The following ANKHD1 variants were observed in gnomAD, a reference collection of about 807,000 sequenced individuals.
ANKHD1 encodes ankyrin repeat and KH domain-containing protein 1.
In ANKHD1, 31 loss-of-function variants were observed where a neutral mutation model predicts 230.5. The observed-to-expected ratio is 0.13, with a 90% CI of 0.10 to 0.18. The LOEUF (loss-of-function observed/expected upper bound fraction) is 0.18, where lower values mean the gene tolerates loss of function less well. Ranked by LOEUF, ANKHD1 falls within the 10% of genes least tolerant of loss-of-function variation. The probability of loss-of-function intolerance (pLI) is 1.00; values close to 1 mark genes in which losing one functional copy is unlikely to be tolerated. For missense variants in ANKHD1, 2,256 were observed against 3,071.3 expected, an observed-to-expected ratio of 0.73 and a Z score of 6.27; for synonymous variants, 1,074 against 1,117.6, an observed-to-expected ratio of 0.96 and a Z score of 0.78.
intron 1 of ANKHD1, among the ~76,000 whole-genome samples, chr5:140,435,523 A>C (rs1056004955): frequency 1.3e-5 from 2 of 151,622 alleles, no homozygotes; most frequent in Non-Finnish European, 2.9e-5. Flanking sequence ...GATTACAGGC[A>C]CCACCTCACC....
intron 4 of ANKHD1, among the ~76,000 whole-genome samples, 172 bp from the exon 5 acceptor site, chr5:140,440,823 G>A (rs1230341713): frequency 6.6e-6 from 1 of 152,122 alleles, no homozygotes; most frequent in African/African-American, 2.4e-5. Context: ...TGTAAAATAT[G>A]TAACCTGGCA....
At chr5:140,428,941 T>G (rs1240770788) in intron 1 of ANKHD1, among the ~76,000 whole-genome samples, 1 of 148,976 alleles carries the variant, frequency 6.7e-6, no homozygotes, top group Admixed American at 6.7e-5. Flanking sequence ...CACCATGAGG[T>G]CTGGCAAATT....
chr5:140,529,851 A>C, intron 29 of ANKHD1, 55 bp downstream of exon 29: 8 of 1,568,532 alleles, frequency 5.1e-6, no homozygotes, highest in Non-Finnish European at 6.9e-6. Context: ...GCCTAATCTC[A>C]CCTTAAGTGG....
At chr5:140,491,539 C>G (rs1213648510) in intron 14 of ANKHD1, among the ~76,000 whole-genome samples, 1 of 152,036 alleles carries the variant, frequency 6.6e-6, no homozygotes, top group Non-Finnish European at 1.5e-5. Context: ...TTTGTTTACT[C>G]AGTACTGTTT....
Position 140,528,944 on chromosome 5 carries a change from C to T in ANKHD1, c.5998C>T (p.Pro2000Ser), listed in dbSNP as rs1170853741. Residue 2000 changes from proline (P) to serine (S), a missense_variant, in exon 29 of 34, where the codon CCC (proline) becomes TCC (serine). Pro to Ser is a moderately conservative substitution (Grantham distance 74). Transcript: ENST00000360839. Reference sequence around the variant, plus strand: ...TGCACCTATCACTAGCGGGCAAGCTCCCACCACATTTCTACCTGCAAGTAC... The same window carrying T: ...TGCACCTATCACTAGCGGGCAAGCTTCCACCACATTTCTACCTGCAAGTAC... ...SSAPITSGQAPTTFLPASTSQ... is the reference protein window; with the variant it reads ...SSAPITSGQASTTFLPASTSQ... The T allele has an allele frequency of 1.2e-6, 2 of 1,614,188 alleles. No individual in the cohort carries two copies. The highest frequency in any genetic ancestry group is 1.7e-6 in the Non-Finnish European group (2 of 1,180,034).
chr5:140,514,978 C>A (rs1339510193), intron 24 of ANKHD1, among the ~76,000 whole-genome samples: 3 of 145,428 alleles, frequency 2.1e-5, no homozygotes, highest in Admixed American at 6.8e-5. Context: ...GACCCTGTCT[C>A]AAAAAAAAAA....
At chr5:140,517,152 A>G (rs1753061013) in intron 24 of ANKHD1, among the ~76,000 whole-genome samples, 1 of 148,098 alleles carries the variant, frequency 6.8e-6, no homozygotes, top group Non-Finnish European at 1.5e-5. Context: ...AGCCTCTGAT[A>G]AAACAGACTT....
chr5:140,513,501 C>T, intron 24 of ANKHD1, 22 bp downstream of exon 24: 1 of 1,607,450 alleles, frequency 6.2e-7, no homozygotes, highest in Non-Finnish European at 8.5e-7. Flanking sequence ...AAATAATTTT[C>T]CTTTTTAGAA....
chr5:140,520,449 A>G (rs1753276820), intron 24 of ANKHD1, among the ~76,000 whole-genome samples: 1 of 152,148 alleles, frequency 6.6e-6, no homozygotes, highest in Admixed American at 6.6e-5. Flanking sequence ...AAAGGACTAT[A>G]AATCATGCTA....
chr5:140,474,799 TC>T (rs1750875928), intron 10 of ANKHD1, among the ~76,000 whole-genome samples: 1 of 151,982 alleles, frequency 6.6e-6, no homozygotes, highest in Admixed American at 6.6e-5. Context: ...AGTCTTGCTA[TC>T]TTGCCCAGAC....
At chr5:140,429,163 G>T (rs925688271) in intron 1 of ANKHD1, among the ~76,000 whole-genome samples, 1 of 148,444 alleles carries the variant, frequency 6.7e-6, no homozygotes, top group Non-Finnish European at 1.5e-5. Flanking sequence ...GCACAATCTC[G>T]GTTCACTCTA....
At chr5:140,414,223 C>T (rs1771170946) in intron 1 of ANKHD1, among the ~76,000 whole-genome samples, 1 of 152,132 alleles carries the variant, frequency 6.6e-6, no homozygotes, top group South Asian at 2.1e-4. Context: ...AATGGAATTG[C>T]TGGATCATAT....
intron 10 of ANKHD1, among the ~76,000 whole-genome samples, chr5:140,476,652 C>T (rs1327980118): frequency 6.6e-6 from 1 of 151,914 alleles, no homozygotes; most frequent in Non-Finnish European, 1.5e-5. Context: ...AAAGAATAAA[C>T]GAATTACCAT....
intron 1 of ANKHD1, among the ~76,000 whole-genome samples, chr5:140,421,455 C>T (rs1416199686): frequency 2.0e-5 from 3 of 151,956 alleles, no homozygotes; most frequent in African/African-American, 4.8e-5. Flanking sequence ...GGCCGGCCAC[C>T]ACACCCAGCT....
At chr5:140,520,996 C>G (rs1407535996) in intron 24 of ANKHD1, among the ~76,000 whole-genome samples, 2 of 148,810 alleles carry the variant, frequency 1.3e-5, no homozygotes, top group Non-Finnish European at 3.0e-5. Flanking sequence ...TTAAAACAAA[C>G]AAACTAAAAC....
At chr5:140,449,353 G>A (rs751927534) in intron 7 of ANKHD1, 48 bp downstream of exon 7, 153 of 1,584,566 alleles carry the variant, frequency 9.7e-5, no homozygotes, top group Non-Finnish European at 1.3e-4. Flanking sequence ...AGAAAAGGTC[G>A]TATGTGTTTA....
chr5:140,479,244 C>A (rs886794085), intron 10 of ANKHD1, among the ~76,000 whole-genome samples: 1 of 149,432 alleles, frequency 6.7e-6, no homozygotes, highest in African/African-American at 2.5e-5. Flanking sequence ...TGATCCCCCC[C>A]GCCTCGGCCT....
At chr5:140,436,820 G>A (rs990845945) in intron 2 of ANKHD1, among the ~76,000 whole-genome samples, 2 of 151,796 alleles carry the variant, frequency 1.3e-5, no homozygotes, top group Admixed American at 6.6e-5. Context: ...ATAAAAATGT[G>A]GGAGATAAAT....
chr5:140,424,554 A>G (rs971132466), intron 1 of ANKHD1, among the ~76,000 whole-genome samples: 1 of 152,230 alleles, frequency 6.6e-6, no homozygotes, highest in Admixed American at 6.5e-5. Flanking sequence ...CAACAAGGAT[A>G]TAGTTGGAAA....
Sources: gnomAD v4.1 joint callset for allele counts (sites outside exome capture counted in the v4.1 genomes callset) on GRCh38, gnomAD v4.1.1 for gene constraint, MANE v1.5 for transcripts, NCBI Gene and HGNC (gene_info 2026-07-23, HGNC 2026-07-21) for gene names.